The following WWOX variants were observed in gnomAD, a reference collection of about 807,000 sequenced individuals.
The protein encoded by WWOX is WW domain-containing oxidoreductase.
Under a neutral mutation model 46.2 loss-of-function variants are expected in WWOX, and 69 were observed. That is an observed-to-expected ratio of 1.49 (90% CI 1.23 to 1.82). The LOEUF (loss-of-function observed/expected upper bound fraction) is 1.82, where lower values mean the gene tolerates loss of function less well. WWOX is among the 40% of genes most tolerant of loss of function. The pLI is 0.00. For missense variants in WWOX, 919 were observed against 542.6 expected, an observed-to-expected ratio of 1.69 and a Z score of -6.89; for synonymous variants, 359 against 202.6, an observed-to-expected ratio of 1.77 and a Z score of -6.56.
intron 8 of WWOX, among the ~76,000 whole-genome samples, chr16:78,646,636 C>T (rs1356542410): frequency 6.6e-6 from 1 of 152,176 alleles, no homozygotes; most frequent in South Asian, 2.1e-4. Context: ...CCATGTTGGC[C>T]AAGCTGATCT....
rs1468961228 is a variant in WWOX at position 78,347,991 on chromosome 16, C to A, written c.517-38869C>A. On this transcript the variant is annotated intron_variant, in intron 5 of 8. Coordinates refer to ENST00000566780, the MANE Select transcript of WWOX (RefSeq NM_016373.4). ...AGAGTAAGATTCTTTTAAAATCATG[C>A]CCAAGTTTTAAAGGAATATAAAACT... 4.9e-5 allele frequency among the ~76,000 whole-genome samples: 6 copies of A among 122,396 alleles called. 1 individual carries two copies. Among genetic ancestry groups the A allele is most frequent in the Admixed American group, 4.7e-4 (6 of 12,688 alleles). 80.3% of individuals were successfully genotyped at this position (122,396 alleles called of 152,430 possible).
intron 8 of WWOX, among the ~76,000 whole-genome samples, chr16:78,788,317 A>C (rs2050506978): frequency 6.6e-6 from 1 of 152,046 alleles, no homozygotes; most frequent in Non-Finnish European, 1.5e-5. Flanking sequence ...CTATTGTTAC[A>C]ATATTGCCTG....
At position 78,350,736 on chromosome 16, in the gene WWOX, T is replaced by C. The variant is rs942649986; in HGVS notation, c.517-36124T>C. ...GTAGGTTGTTTCCACATTTTGGCTA[T>C]TGTGCATAATGCTTCCAGGTACACT... is the stretch of plus-strand genomic sequence containing the variant. On this transcript the variant is annotated intron_variant, in intron 5 of 8. Transcript: ENST00000566780. Among the ~76,000 whole-genome samples, 2 of 121,408 alleles carry C rather than the reference T, an allele frequency of 1.6e-5. 1 individual carries two copies. Among genetic ancestry groups the C allele is most frequent in the Admixed American group, 1.6e-4 (2 of 12,456 alleles). The allele number at this position is 121,408 out of a possible 152,430, so 79.6% of individuals were successfully genotyped here.
chr16:78,924,927 G>T (rs945147610), intron 8 of WWOX, among the ~76,000 whole-genome samples: 3 of 152,172 alleles, frequency 2.0e-5, no homozygotes, highest in Non-Finnish European at 4.4e-5. Flanking sequence ...AGGCCTGGAG[G>T]TTCATGCTTG....
intron 5 of WWOX, among the ~76,000 whole-genome samples, chr16:78,245,582 G>C (rs1035269931): frequency 6.6e-6 from 1 of 152,122 alleles, no homozygotes; most frequent in African/African-American, 2.4e-5. Flanking sequence ...TATTCTAGAT[G>C]GGCCAAATAA....
intron 8 of WWOX, among the ~76,000 whole-genome samples, chr16:78,567,720 A>G (rs980651406): frequency 6.6e-6 from 1 of 152,028 alleles, no homozygotes; most frequent in South Asian, 2.1e-4. Context: ...GTTCCAGCTC[A>G]TCCACCCTGC....
rs565851945 is a variant in WWOX at position 78,984,636 on chromosome 16, C to G, written c.1057-226972C>G. Among the ~76,000 whole-genome samples, 8 of 152,326 alleles carry G rather than the reference C, an allele frequency of 5.3e-5. No homozygotes were observed. The South Asian group carries it at 1.7e-3, about 32-fold the overall frequency. ...CTCAAGTAAGTCAATGTTTCTGTCT[C>G]AACTGGTTGATTGGAACAACATACA... On this transcript the variant is annotated intron_variant, in intron 8 of 8. Transcript: ENST00000566780.
intron 8 of WWOX, among the ~76,000 whole-genome samples, chr16:78,547,966 A>G (rs1029934229): frequency 2.0e-5 from 3 of 152,012 alleles, no homozygotes; most frequent in African/African-American, 4.8e-5. Flanking sequence ...AGCCTGGCCA[A>G]TGTGGTGAAA....
intron 8 of WWOX, among the ~76,000 whole-genome samples, chr16:78,623,602 C>T (rs776917666): frequency 2.0e-5 from 3 of 151,996 alleles, no homozygotes; most frequent in African/African-American, 4.8e-5. Flanking sequence ...ATCACTTGAA[C>T]CCGAGAGGCA....
At chr16:79,204,426 C>G (rs949572704) in intron 8 of WWOX, 1 of 152,140 alleles carries the variant, frequency 6.6e-6, no homozygotes, top group Non-Finnish European at 1.5e-5. Flanking sequence ...TACCCTCACC[C>G]TAACCCCAGC....
intron 8 of WWOX, among the ~76,000 whole-genome samples, chr16:78,436,942 C>G (rs2083348210): frequency 6.6e-6 from 1 of 152,226 alleles, no homozygotes; most frequent in Non-Finnish European, 1.5e-5. Context: ...CATCCCATTT[C>G]TTCCGTAGGT....
chr16:78,845,082 TCTC>T (rs2052262928), intron 8 of WWOX, among the ~76,000 whole-genome samples: 1 of 150,962 alleles, frequency 6.6e-6, no homozygotes, highest in Non-Finnish European at 1.5e-5. Context: ...AGGGTCGTTG[TCTC>T]CTCCTATTTA....
intron 8 of WWOX, among the ~76,000 whole-genome samples, chr16:78,856,592 C>T (rs1260815295): frequency 6.6e-6 from 1 of 152,038 alleles, no homozygotes; most frequent in African/African-American, 2.4e-5. Flanking sequence ...GCAGTGAGCC[C>T]AGATCATGCC....
At chr16:78,550,592 C>G (rs552858259) in intron 8 of WWOX, 1 of 152,222 alleles carries the variant, frequency 6.6e-6, no homozygotes, top group African/African-American at 2.4e-5. Flanking sequence ...GATGAATGCT[C>G]CTCTTTTGAA....
chr16:78,993,623 C>G (rs886316664), intron 8 of WWOX, among the ~76,000 whole-genome samples: 1 of 152,216 alleles, frequency 6.6e-6, no homozygotes. Context: ...GCTTGGCATG[C>G]TGCTCCAGAG....
intron 8 of WWOX, among the ~76,000 whole-genome samples, chr16:78,529,218 A>G (rs28440108): frequency 0.046 from 6,989 of 151,966 alleles, 334 homozygotes; most frequent in African/African-American, 0.12. Context: ...GCCTCCCAAA[A>G]TGCCGAGATT....
At chr16:78,539,344 T>G (rs2043832590) in intron 8 of WWOX, among the ~76,000 whole-genome samples, 1 of 152,242 alleles carries the variant, frequency 6.6e-6, no homozygotes, top group South Asian at 2.1e-4. Flanking sequence ...AATATCCAGC[T>G]CTCTGTTTCC....
chr16:79,079,373 T>TCACC (rs2048719035), intron 8 of WWOX, among the ~76,000 whole-genome samples: 1 of 152,136 alleles, frequency 6.6e-6, no homozygotes, highest in South Asian at 2.1e-4. Context: ...GACAGAAGTG[T>TCACC]CACCCATCCA....
At position 78,339,984 on chromosome 16, in the gene WWOX, G is replaced by A. The variant is rs1449308015; in HGVS notation, c.517-46876G>A. Among the ~76,000 whole-genome samples, 3 of 69,520 alleles carry A rather than the reference G, an allele frequency of 4.3e-5. 1 individual carries two copies. The highest frequency in any genetic ancestry group is 9.1e-5 in the Non-Finnish European group (3 of 32,994). 45.6% of individuals were successfully genotyped at this position (69,520 alleles called of 152,430 possible). A position where few individuals can be genotyped will look rare whatever the true frequency, so the allele number is the denominator to read the frequency against. On this transcript the variant is annotated intron_variant, in intron 5 of 8. Coordinates refer to ENST00000566780, the MANE Select transcript of WWOX (RefSeq NM_016373.4). ...TATCTTTGTCTTTGTGTTACTTTCA[G>A]GGATAGTTCTTCTAGTCTTTCCATG...
Sources: gnomAD v4.1 joint callset for allele counts (sites outside exome capture counted in the v4.1 genomes callset) on GRCh38, gnomAD v4.1.1 for gene constraint, MANE v1.5 for transcripts, NCBI Gene and HGNC (gene_info 2026-07-23, HGNC 2026-07-21) for gene names.